PTPRT: variants seen among roughly 807,000 people sequenced by gnomAD.
PTPRT encodes receptor-type tyrosine-protein phosphatase T.
Under a neutral mutation model 176.8 loss-of-function variants are expected in PTPRT, and 56 were observed. The observed-to-expected ratio is 0.32, with a 90% confidence interval of 0.26 to 0.40. The LOEUF (loss-of-function observed/expected upper bound fraction) is 0.40. Ranked by LOEUF, PTPRT falls within the 10% of genes least tolerant of loss-of-function variation. The pLI is 1.00. For synonymous variants in PTPRT, 783 were observed against 739.0 expected, an observed-to-expected ratio of 1.06 and a Z score of -0.96; for missense variants, 1,540 against 1,908.2, an observed-to-expected ratio of 0.81 and a Z score of 3.60.
chr20:42,578,193 A>G (rs2073299265), intron 7 of PTPRT, among the ~76,000 whole-genome samples: 1 of 152,126 alleles, frequency 6.6e-6, no homozygotes, highest in African/African-American at 2.4e-5. Flanking sequence ...ACGAGTTGAG[A>G]TTAGGATTGA....
intron 13 of PTPRT, among the ~76,000 whole-genome samples, chr20:42,260,798 G>A (rs1242464228): frequency 6.6e-6 from 1 of 152,198 alleles, no homozygotes; most frequent in Non-Finnish European, 1.5e-5. Context: ...AAAGGGAGAA[G>A]CAGAAACCAA....
At chr20:42,510,127 G>A (rs6102879) in intron 7 of PTPRT, among the ~76,000 whole-genome samples, 7,304 of 152,152 alleles carry the variant, frequency 0.048, 435 homozygotes, top group African/African-American at 0.14. Context: ...TTCTAATTTG[G>A]TTTTATGAAG....
At chr20:42,932,404 T>C (rs1012527704) in intron 1 of PTPRT, among the ~76,000 whole-genome samples, 7 of 152,166 alleles carry the variant, frequency 4.6e-5, no homozygotes, top group African/African-American at 1.7e-4. Flanking sequence ...CCGGTGCTTA[T>C]CAAGGACAAA....
intron 7 of PTPRT, among the ~76,000 whole-genome samples, chr20:42,521,405 C>T (rs190298759): frequency 2.6e-5 from 4 of 152,258 alleles, no homozygotes; most frequent in African/African-American, 9.6e-5. Flanking sequence ...CTAACAGTCT[C>T]AGAATGACAG....
intron 1 of PTPRT, among the ~76,000 whole-genome samples, chr20:43,012,805 G>A (rs777590434): frequency 3.9e-5 from 6 of 152,182 alleles, no homozygotes; most frequent in Admixed American, 1.3e-4. Flanking sequence ...ATCACCATGG[G>A]GATGGCCAGT....
the PTPRT span, among the ~76,000 whole-genome samples, chr20:42,045,470 T>C: frequency 1.3e-5 from 2 of 150,766 alleles, no homozygotes; most frequent in African/African-American, 4.9e-5. Context: ...TTAGACAAAA[T>C]AAATCAATTG....
At chr20:43,165,463 C>T (rs1478467088) in intron 1 of PTPRT, among the ~76,000 whole-genome samples, 2 of 152,200 alleles carry the variant, frequency 1.3e-5, no homozygotes, top group African/African-American at 4.8e-5. Flanking sequence ...ACACCCACCC[C>T]TGCTAAACAC....
intron 7 of PTPRT, among the ~76,000 whole-genome samples, chr20:42,526,070 C>A (rs1294487978): frequency 1.3e-5 from 2 of 150,660 alleles, no homozygotes; most frequent in Admixed American, 6.6e-5. Context: ...CCAAATAATT[C>A]TTTGTTTAGA....
chr20:42,274,195 C>G (rs1372307582), intron 13 of PTPRT, among the ~76,000 whole-genome samples: 2 of 152,230 alleles, frequency 1.3e-5, no homozygotes, highest in African/African-American at 4.8e-5. Context: ...TGTCATGTGA[C>G]TAGCTCTCAT....
At position 42,074,098 on chromosome 20, in the gene PTPRT, G is replaced by T. The variant is rs1368089745; in HGVS notation, c.*6781C>A. On this transcript the variant is annotated 3_prime_UTR_variant, in exon 31 of 31. Coordinates refer to ENST00000373187, the MANE Select transcript of PTPRT (RefSeq NM_007050.6). The stretch of plus-strand genomic sequence containing the variant: ...ATGGAAGATATGGACACCATATTCT[G>T]CCTGACCCCTCAGAAGCCTAACTTT... 4.4e-6 allele frequency: 1 copy of T among 229,218 alleles called. No homozygotes were observed. The highest frequency in any genetic ancestry group is 2.2e-5 in the African/African-American group (1 of 45,088). 14.2% of individuals were successfully genotyped at this position (229,218 alleles called of 1,614,324 possible).
At chr20:42,806,941 T>C (rs1436877104) in intron 2 of PTPRT, among the ~76,000 whole-genome samples, 3 of 152,142 alleles carry the variant, frequency 2.0e-5, no homozygotes, top group African/African-American at 7.2e-5. Context: ...AAAACCACCA[T>C]CCACAGAAGT....
chr20:42,827,715 G>T (rs2078019295), intron 2 of PTPRT, among the ~76,000 whole-genome samples: 2 of 152,170 alleles, frequency 1.3e-5, no homozygotes, highest in South Asian at 4.1e-4. Context: ...CCTATATGCT[G>T]CCATTCTCAT....
intron 9 of PTPRT, among the ~76,000 whole-genome samples, chr20:42,415,270 C>T (rs2059054718): frequency 6.6e-6 from 1 of 152,198 alleles, no homozygotes; most frequent in African/African-American, 2.4e-5. Flanking sequence ...TAACCTTGAG[C>T]TCCTGGGCTC....
intron 1 of PTPRT, among the ~76,000 whole-genome samples, chr20:43,176,233 C>T (rs1379795325): frequency 3.8e-5 from 4 of 105,448 alleles, no homozygotes; most frequent in Non-Finnish European, 7.8e-5. Context: ...GGCAACAGAG[C>T]GAGACCCTGG....
intron 15 of PTPRT, among the ~76,000 whole-genome samples, chr20:42,231,932 A>G (rs2056142322): frequency 6.6e-6 from 1 of 151,816 alleles, no homozygotes; most frequent in Admixed American, 6.6e-5. Flanking sequence ...ATTTTGGGGG[A>G]AATATAGAAT....
the PTPRT span, among the ~76,000 whole-genome samples, chr20:42,043,879 G>A: frequency 1.3e-5 from 2 of 152,222 alleles, no homozygotes; most frequent in Non-Finnish European, 2.9e-5. Flanking sequence ...AGTGGGCAGG[G>A]CTGGGACTAG....
chr20:42,539,393 G>A (rs949069679), intron 7 of PTPRT, among the ~76,000 whole-genome samples: 2 of 150,566 alleles, frequency 1.3e-5, no homozygotes, highest in Non-Finnish European at 3.0e-5. Flanking sequence ...TAATCGCAGG[G>A]TTGGGCCTGG....
At chr20:43,178,230 G>C (rs540873297) in intron 1 of PTPRT, among the ~76,000 whole-genome samples, 29 of 152,314 alleles carry the variant, frequency 1.9e-4, no homozygotes, top group Admixed American at 5.9e-4. Flanking sequence ...CTTCATCCCA[G>C]ACAATTTTGT....
chr20:42,577,843 G>A lies in PTPRT; in HGVS notation c.1153+100023C>T, dbSNP rs558469116. ...CCTTCAGACCTGAGCAAGGCTGTGT[G>A]TGTGTGTGTGTGTGTGTGTGTGTGT... On this transcript the variant is annotated intron_variant, in intron 7 of 30. Coordinates refer to ENST00000373187, the MANE Select transcript of PTPRT (RefSeq NM_007050.6). 1.3e-4 allele frequency among the ~76,000 whole-genome samples: 19 copies of A among 150,916 alleles called. No individual in the cohort carries two copies. In the East Asian group the frequency reaches 3.7e-3, roughly 29 times the overall value.
Sources: gnomAD v4.1 joint callset for allele counts (sites outside exome capture counted in the v4.1 genomes callset) on GRCh38, gnomAD v4.1.1 for gene constraint, MANE v1.5 for transcripts, NCBI Gene and HGNC (gene_info 2026-07-23, HGNC 2026-07-21) for gene names.